Variants in HS3ST3A1 observed in about 807,000 individuals in gnomAD.
HS3ST3A1 encodes heparan sulfate-glucosamine 3-sulfotransferase 3A1.
In HS3ST3A1, 19 loss-of-function variants were observed where a neutral mutation model predicts 25.7. That is an observed-to-expected ratio of 0.74 (90% CI 0.52 to 1.08). The LOEUF (loss-of-function observed/expected upper bound fraction) is 1.08, where lower values mean the gene tolerates loss of function less well. Among genes scored for constraint, HS3ST3A1 ranks in the 50% least tolerant of loss-of-function variants. HS3ST3A1 has a pLI of 0.00. For synonymous variants in HS3ST3A1, 226 were observed against 278.6 expected (o/e 0.81, Z 1.88); for missense variants, 459 against 594.3 (o/e 0.77, Z 2.37).
intron 1 of HS3ST3A1, among the ~76,000 whole-genome samples, chr17:13,506,462 G>C (rs73982016): frequency 0.014 from 2,194 of 152,164 alleles, 51 homozygotes; most frequent in African/African-American, 0.05. Flanking sequence ...CTGAAGTAAG[G>C]CTCCACCAAT....
chr17:13,544,666 C>T (rs1598421554), intron 1 of HS3ST3A1, among the ~76,000 whole-genome samples: 1 of 152,174 alleles, frequency 6.6e-6, no homozygotes, highest in East Asian at 1.9e-4. Flanking sequence ...AGAGCCTCTC[C>T]CCGCACCCTG....
intron 1 of HS3ST3A1, among the ~76,000 whole-genome samples, chr17:13,550,540 T>G (rs191909898): frequency 6.6e-6 from 1 of 152,232 alleles, no homozygotes; most frequent in Non-Finnish European, 1.5e-5. Context: ...AATCACCACT[T>G]GGAGCTGAGT....
rs1245620006 is a variant in HS3ST3A1 at position 13,537,045 on chromosome 17, G to A, written c.600-40227C>T. Reference sequence around the variant, plus strand: ...TCTGCAACTATGATAGCTCACATACGCAGACTTCTGTATGGTGTCAACTTT... The same window carrying A: ...TCTGCAACTATGATAGCTCACATACACAGACTTCTGTATGGTGTCAACTTT... On this transcript the variant is annotated intron_variant, in intron 1 of 1. Coordinates refer to ENST00000284110, the MANE Select transcript of HS3ST3A1 (RefSeq NM_006042.3). 2.0e-5 allele frequency among the ~76,000 whole-genome samples: 3 copies of A among 152,110 alleles called. No individual in the cohort carries two copies. In the South Asian group the frequency reaches 6.2e-4, roughly 32 times the overall value.
intron 1 of HS3ST3A1, among the ~76,000 whole-genome samples, chr17:13,545,993 A>C (rs1429370494): frequency 6.6e-6 from 1 of 152,054 alleles, no homozygotes; most frequent in Non-Finnish European, 1.5e-5. Context: ...ATTTAAAAAA[A>C]AGTACCAGGT....
chr17:13,503,319 C>T (rs547726606), intron 1 of HS3ST3A1, among the ~76,000 whole-genome samples: 2 of 152,146 alleles, frequency 1.3e-5, no homozygotes, highest in East Asian at 3.9e-4. Flanking sequence ...ACAGTATCCA[C>T]AAAATTACAG....
intron 1 of HS3ST3A1, among the ~76,000 whole-genome samples, chr17:13,508,961 T>C (rs1248837374): frequency 6.7e-6 from 1 of 148,794 alleles, no homozygotes; most frequent in Non-Finnish European, 1.5e-5. Context: ...AGCATCTCTT[T>C]AATTTTTTTT....
chr17:13,548,038 G>A (rs566565488), intron 1 of HS3ST3A1, among the ~76,000 whole-genome samples: 3 of 151,510 alleles, frequency 2.0e-5, no homozygotes, highest in Non-Finnish European at 2.9e-5. Context: ...TACTAACCAA[G>A]TCTAAATTCT....
intron 1 of HS3ST3A1, among the ~76,000 whole-genome samples, chr17:13,515,352 T>G (rs1476281001): frequency 6.6e-6 from 1 of 151,958 alleles, no homozygotes; most frequent in Non-Finnish European, 1.5e-5. Context: ...TAGAGATGGG[T>G]TTTCACCATG....
At chr17:13,574,440 C>T (rs534342424) in intron 1 of HS3ST3A1, among the ~76,000 whole-genome samples, 10 of 150,226 alleles carry the variant, frequency 6.7e-5, no homozygotes, top group South Asian at 6.6e-4. Flanking sequence ...AACAGTGGGT[C>T]GGGTGTGGTG....
At chr17:13,531,767 CA>C (rs1402219758) in intron 1 of HS3ST3A1, among the ~76,000 whole-genome samples, 1 of 152,186 alleles carries the variant, frequency 6.6e-6, no homozygotes, top group Non-Finnish European at 1.5e-5. Flanking sequence ...TTAAGCGAAT[CA>C]GTCTGAACAG....
rs143943955 is a variant in HS3ST3A1, at chr17:13,535,693, G to A, written c.600-38875C>T. ...AGAAATTAAAAACCCATGAAAATAG[G>A]CCAAATATATTGGGATGTCTGTTCT... On this transcript the variant is annotated intron_variant, in intron 1 of 1. Coordinates refer to ENST00000284110, the MANE Select transcript of HS3ST3A1 (RefSeq NM_006042.3). 1.4e-3 allele frequency among the ~76,000 whole-genome samples: 209 copies of A among 152,226 alleles called. 1 individual carries two copies. The highest frequency in any genetic ancestry group is 4.9e-3 in the African/African-American group (203 of 41,540).
At chr17:13,498,006 A>G (rs944882713) in intron 1 of HS3ST3A1, among the ~76,000 whole-genome samples, 2 of 152,214 alleles carry the variant, frequency 1.3e-5, no homozygotes, top group Non-Finnish European at 2.9e-5. Context: ...TTTGTGAGAC[A>G]TGTCAAACAT....
chr17:13,552,561 T>C (rs768760489), intron 1 of HS3ST3A1, among the ~76,000 whole-genome samples: 1 of 152,190 alleles, frequency 6.6e-6, no homozygotes, highest in Non-Finnish European at 1.5e-5. Flanking sequence ...CTTAGGTGGC[T>C]GGCTTTGGCT....
At chr17:13,509,471 T>A (rs1167631520) in intron 1 of HS3ST3A1, among the ~76,000 whole-genome samples, 2 of 151,716 alleles carry the variant, frequency 1.3e-5, no homozygotes, top group Non-Finnish European at 2.9e-5. Context: ...ATTCTTAATG[T>A]GTCCATAAAA....
intron 1 of HS3ST3A1, among the ~76,000 whole-genome samples, chr17:13,591,953 C>T (rs991226590): frequency 6.6e-6 from 1 of 152,228 alleles, no homozygotes; most frequent in African/African-American, 2.4e-5. Context: ...AGCCACCACA[C>T]CTGGCCCTAA....
intron 1 of HS3ST3A1, among the ~76,000 whole-genome samples, chr17:13,506,905 A>AC (rs1405322159): frequency 4.7e-4 from 71 of 151,412 alleles, no homozygotes; most frequent in African/African-American, 1.6e-3. Context: ...AAAATACAAA[A>AC]AAAAAAAAAA....
At chr17:13,557,174 C>T (rs1248845228) in intron 1 of HS3ST3A1, among the ~76,000 whole-genome samples, 1 of 152,222 alleles carries the variant, frequency 6.6e-6, no homozygotes, top group African/African-American at 2.4e-5. Flanking sequence ...GAAATGTTTC[C>T]TTAATGGATG....
chr17:13,541,261 T>C (rs566751883), intron 1 of HS3ST3A1, among the ~76,000 whole-genome samples: 1 of 152,314 alleles, frequency 6.6e-6, no homozygotes, highest in African/African-American at 2.4e-5. Context: ...TTCTCAGATA[T>C]TAATTCTGAC....
chr17:13,531,643 C>A (rs1906610966), intron 1 of HS3ST3A1, among the ~76,000 whole-genome samples: 1 of 145,734 alleles, frequency 6.9e-6, no homozygotes, highest in African/African-American at 2.5e-5. Context: ...GGTTAGAGAA[C>A]TGTTTATTAT....
Sources: allele counts gnomAD v4.1 joint callset (sites outside exome capture counted in the v4.1 genomes callset), GRCh38; gene constraint gnomAD v4.1.1; transcripts MANE v1.5; gene names NCBI Gene and HGNC (gene_info 2026-07-23, HGNC 2026-07-21).